The following CACNA1E variants were observed in gnomAD, a reference collection of about 807,000 sequenced individuals.
The protein encoded by CACNA1E is voltage-dependent R-type calcium channel subunit alpha-1E.
Under a neutral mutation model 259.2 loss-of-function variants are expected in CACNA1E, and 40 were observed. That is an observed-to-expected ratio of 0.15 (90% CI 0.12 to 0.20). The LOEUF (loss-of-function observed/expected upper bound fraction) is 0.20. Among genes scored for constraint, CACNA1E ranks in the 10% least tolerant of loss-of-function variants. The pLI is 1.00. For missense variants in CACNA1E, 1,874 were observed against 3,040.1 expected (o/e 0.62, Z 9.02); for synonymous variants, 1,104 against 1,138.5 (o/e 0.97, Z 0.61).
intron 3 of CACNA1E, among the ~76,000 whole-genome samples, chr1:181,560,704 A>G (rs1572212608): frequency 6.6e-6 from 1 of 152,232 alleles, no homozygotes; most frequent in Non-Finnish European, 1.5e-5. Context: ...CATAAAAATT[A>G]AACCATATGA....
chr1:181,733,472 T>C lies in CACNA1E; in HGVS notation c.2984T>C (p.Leu995Pro), dbSNP rs778183038. The C allele has an allele frequency of 1.3e-6, 2 of 1,558,840 alleles. No homozygotes were observed. The highest frequency in any genetic ancestry group is 1.7e-6 in the Non-Finnish European group (2 of 1,150,996). The change falls in exon 21 of 48, where the codon CTG (leucine) becomes CCG (proline). Residue 995 changes from leucine to proline, a missense_variant. Physicochemically the swap from Leu to Pro is moderately conservative, Grantham distance 98. Coordinates refer to ENST00000367573, the MANE Select transcript of CACNA1E (RefSeq NM_001205293.3). ...CTGATGGTGTCCAGAGGCTCCGGGC[T>C]GGCAGGAGGCCTTGATGAGGCTGAC... ...NSLMVSRGSG[L>P]AGGLDEADTP...
chr1:181,755,922 AGGAG>A, intron 28 of CACNA1E, 30 bp from the exon 29 acceptor site: 1 of 1,604,718 alleles, frequency 6.2e-7, no homozygotes, highest in Non-Finnish European at 8.5e-7. Context: ...AGCTATAGTG[AGGAG>A]GCTCTCTTTC....
intron 13 of CACNA1E, 23 bp downstream of exon 13, chr1:181,719,886 T>C: frequency 3.8e-6 from 5 of 1,333,038 alleles, no homozygotes; most frequent in Non-Finnish European, 5.3e-6. Context: ...AATTTGGACT[T>C]TTCCCAATGT....
At chr1:181,558,238 A>G (rs2102873659) in intron 3 of CACNA1E, among the ~76,000 whole-genome samples, 1 of 152,326 alleles carries the variant, frequency 6.6e-6, no homozygotes, top group Admixed American at 6.5e-5. Context: ...TGCTGGGATG[A>G]GCTTCGCCCA....
intron 3 of CACNA1E, among the ~76,000 whole-genome samples, chr1:181,526,188 A>T (rs1249152755): frequency 6.6e-6 from 1 of 152,162 alleles, no homozygotes; most frequent in African/African-American, 2.4e-5. Flanking sequence ...AAGGATTTTT[A>T]AAAAATTCTT....
intron 25 of CACNA1E, among the ~76,000 whole-genome samples, chr1:181,744,860 A>G (rs927096598): frequency 3.3e-5 from 5 of 152,238 alleles, no homozygotes; most frequent in African/African-American, 1.2e-4. Context: ...AATTAAATTT[A>G]GCCGTCAAGT....
intron 7 of CACNA1E, among the ~76,000 whole-genome samples, chr1:181,670,710 T>A (rs559996862): frequency 6.6e-6 from 1 of 151,992 alleles, no homozygotes; most frequent in African/African-American, 2.4e-5. Flanking sequence ...CTCGGCAGAG[T>A]TGACTGAAAT....
chr1:181,590,972 C>T (rs1423381571), intron 6 of CACNA1E, among the ~76,000 whole-genome samples: 1 of 152,142 alleles, frequency 6.6e-6, no homozygotes, highest in Non-Finnish European at 1.5e-5. Flanking sequence ...TTGAATAATT[C>T]TGTTATTAAA....
At chr1:181,440,779 C>T (rs12750056) in intron 2 of CACNA1E, among the ~76,000 whole-genome samples, 3 of 151,600 alleles carry the variant, frequency 2.0e-5, no homozygotes, top group Admixed American at 1.3e-4. Flanking sequence ...CCCAGGAGTT[C>T]GACACCAGCC....
intron 2 of CACNA1E, among the ~76,000 whole-genome samples, chr1:181,418,725 A>G (rs71632114): frequency 0.14 from 20,758 of 151,940 alleles, 1,738 homozygotes; most frequent in Non-Finnish European, 0.19. Flanking sequence ...TGATTCTCAC[A>G]TTGACACTCA....
intron 6 of CACNA1E, among the ~76,000 whole-genome samples, chr1:181,607,676 AT>A (rs1391783087): frequency 6.6e-6 from 1 of 152,256 alleles, no homozygotes; most frequent in Non-Finnish European, 1.5e-5. Flanking sequence ...GAGTTCATTT[AT>A]GTCAAATACT....
At chr1:181,559,168 G>A (rs1383015723) in intron 3 of CACNA1E, among the ~76,000 whole-genome samples, 2 of 152,206 alleles carry the variant, frequency 1.3e-5, no homozygotes, top group Non-Finnish European at 2.9e-5. Flanking sequence ...TCCTGGGAAA[G>A]GTTTGGGCTG....
At chr1:181,593,543 C>T (rs1355357027) in intron 6 of CACNA1E, among the ~76,000 whole-genome samples, 1 of 152,066 alleles carries the variant, frequency 6.6e-6, no homozygotes, top group Non-Finnish European at 1.5e-5. Flanking sequence ...TGTTTCAGAA[C>T]TTTTTTTCTT....
rs1351464705 is a variant in CACNA1E at position 181,665,162 on chromosome 1, C to CAA, written c.1055+13722_1055+13723insAA. Among the ~76,000 whole-genome samples, 5 of 151,890 alleles carry CAA rather than the reference C, an allele frequency of 3.3e-5. No individual in the cohort carries two copies. In the East Asian group the frequency reaches 5.8e-4, roughly 18 times the overall value. ...CTGTATACCTATATACCTATACACA[C>CAA]ACACACACACACACACACATATACA... On this transcript the variant is annotated intron_variant, in intron 7 of 47. Transcript: ENST00000367573.
At chr1:181,450,771 G>A (rs1292902065) in intron 2 of CACNA1E, among the ~76,000 whole-genome samples, 1 of 152,194 alleles carries the variant, frequency 6.6e-6, no homozygotes, top group Non-Finnish European at 1.5e-5. Flanking sequence ...TAAAGGAGAT[G>A]ATTTTAGCTG....
intron 1 of CACNA1E, among the ~76,000 whole-genome samples, chr1:181,497,390 C>T (rs1000316689): frequency 1.3e-5 from 2 of 152,120 alleles, no homozygotes; most frequent in African/African-American, 4.8e-5. Context: ...TATGCCTTAC[C>T]ATTTCTCTTT....
intron 2 of CACNA1E, among the ~76,000 whole-genome samples, chr1:181,447,689 C>T (rs1187290036): frequency 6.6e-6 from 1 of 152,196 alleles, no homozygotes; most frequent in Non-Finnish European, 1.5e-5. Context: ...TGGTATGGGC[C>T]TCCCCAGGCT....
chr1:181,722,106 A>G (rs1373791997), intron 16 of CACNA1E, among the ~76,000 whole-genome samples: 2 of 152,228 alleles, frequency 1.3e-5, no homozygotes, highest in Non-Finnish European at 2.9e-5. Flanking sequence ...AGTGTATGCA[A>G]AGAATAACAT....
At chr1:181,580,043 A>G (rs1417418977) in intron 5 of CACNA1E, among the ~76,000 whole-genome samples, 1 of 152,234 alleles carries the variant, frequency 6.6e-6, no homozygotes, top group Non-Finnish European at 1.5e-5. Flanking sequence ...AGGCTGAAGA[A>G]TTCCAAATAA....
Sources: gnomAD v4.1 joint callset for allele counts (sites outside exome capture counted in the v4.1 genomes callset) on GRCh38, gnomAD v4.1.1 for gene constraint, MANE v1.5 for transcripts, NCBI Gene and HGNC (gene_info 2026-07-23, HGNC 2026-07-21) for gene names.